The following TXNDC11 variants were observed in gnomAD, a reference collection of about 807,000 sequenced individuals.
The protein encoded by TXNDC11 is thioredoxin domain containing 11, also known as thioredoxin domain-containing protein 11.
A neutral mutation model predicts 78.0 loss-of-function variants in TXNDC11; 68 were observed. That is an observed-to-expected ratio of 0.87 (90% confidence interval 0.72 to 1.07). TXNDC11 has a LOEUF of 1.07. TXNDC11 is among the 50% of genes least tolerant of loss of function. The pLI, the probability that TXNDC11 is intolerant of heterozygous loss-of-function variation, is 0.00. For synonymous variants in TXNDC11, 571 were observed against 495.2 expected (o/e 1.15, Z -2.03); for missense variants, 1,389 against 1,221.8 (o/e 1.14, Z -2.04).
intron 7 of TXNDC11, among the ~76,000 whole-genome samples, chr16:11,694,611 CTAAT>C (rs2050811142): frequency 1.3e-5 from 2 of 150,576 alleles, no homozygotes; most frequent in Admixed American, 1.3e-4. Flanking sequence ...CCATGCCTGG[CTAAT>C]TTTTATATTT....
At chr16:11,683,218 T>G (rs2050475349) in intron 11 of TXNDC11, among the ~76,000 whole-genome samples, 1 of 152,150 alleles carries the variant, frequency 6.6e-6, no homozygotes. Flanking sequence ...GGAAGTCCGC[T>G]CCCCCTTGTT....
chr16:11,680,947 G>A (rs1014542140), intron 11 of TXNDC11, among the ~76,000 whole-genome samples: 5 of 151,866 alleles, frequency 3.3e-5, no homozygotes, highest in South Asian at 2.1e-4. Context: ...TGGGAGGATC[G>A]CTTGAGGCCA....
At chr16:11,686,305 T>C (rs1213387276) in intron 10 of TXNDC11, among the ~76,000 whole-genome samples, 1 of 152,260 alleles carries the variant, frequency 6.6e-6, no homozygotes, top group Non-Finnish European at 1.5e-5. Flanking sequence ...TTTCATACTC[T>C]GTTCTTTTCC....
intron 10 of TXNDC11, among the ~76,000 whole-genome samples, chr16:11,684,959 T>G (rs561775417): frequency 6.6e-6 from 1 of 152,262 alleles, no homozygotes; most frequent in Non-Finnish European, 1.5e-5. Flanking sequence ...AAGATGAACA[T>G]GTTTTCAATC....
intron 3 of TXNDC11, among the ~76,000 whole-genome samples, chr16:11,732,594 T>C (rs2052088892): frequency 1.3e-5 from 2 of 152,252 alleles, no homozygotes. Context: ...GAAAATGGTC[T>C]TAGTGGTCCC....
At chr16:11,703,517 C>CAT (rs199719985) in intron 5 of TXNDC11, among the ~76,000 whole-genome samples, 10 of 141,462 alleles carry the variant, frequency 7.1e-5, no homozygotes, top group African/African-American at 2.5e-4. Context: ...GATACACACA[C>CAT]ACACACACAC....
At chr16:11,734,115 A>G (rs767664654) in intron 2 of TXNDC11, 36 bp from the exon 3 acceptor site, 8 of 1,334,034 alleles carry the variant, frequency 6.0e-6, no homozygotes, top group South Asian at 1.3e-5. Flanking sequence ...ATGACTATGA[A>G]TAACAACTGA....
At position 11,742,594 on chromosome 16, in the gene TXNDC11, C is replaced by T; in HGVS notation, c.137G>A (p.Gly46Asp). Residue 46 changes from glycine (G) to aspartate (D), a missense_variant, in exon 1 of 12, where the codon GGC becomes GAC. Transcript: ENST00000283033. The stretch of plus-strand genomic sequence containing the variant: ...GCCACGCAGCCCGCGACGGAGCCGG[C>T]CCGCCGAGGACGCTGTGGCCAGGGT... ...SPTLATASSA[G>D]RLRRGLRGAF... The T allele has an allele frequency of 1.4e-6, 2 of 1,457,646 alleles. No homozygotes were observed. Among genetic ancestry groups the T allele is most frequent in the South Asian group, 1.3e-5 (1 of 75,360 alleles). 90.3% of individuals were successfully genotyped at this position (1,457,646 alleles called of 1,614,324 possible). A position where few individuals can be genotyped will look rare whatever the true frequency, so the allele number is the denominator to read the frequency against.
intron 11 of TXNDC11, among the ~76,000 whole-genome samples, chr16:11,682,924 T>G (rs1281318901): frequency 6.6e-6 from 1 of 152,070 alleles, no homozygotes; most frequent in Non-Finnish European, 1.5e-5. Flanking sequence ...GGAAACACTC[T>G]CCTAGAGAAA....
chr16:11,698,390 T>A lies in TXNDC11; in HGVS notation c.907-65A>T, dbSNP rs1426682462. 2.1e-6 allele frequency: 3 copies of A among 1,436,720 alleles called. No individual in the cohort carries two copies. In the African/African-American group the frequency reaches 4.2e-5, roughly 20 times the overall value. 89.0% of individuals were successfully genotyped at this position (1,436,720 alleles called of 1,614,324 possible). ...TGAGGTGGGGCAAGCTCAAGGCACA[T>A]CAGTGCTGTTCCAACCCCACCACTA... On this transcript the variant is annotated intron_variant, in intron 6 of 11. Transcript: ENST00000283033.
intron 4 of TXNDC11, among the ~76,000 whole-genome samples, chr16:11,727,318 T>C (rs1313613104): frequency 6.6e-6 from 1 of 151,264 alleles, no homozygotes; most frequent in Non-Finnish European, 1.5e-5. Context: ...TAACAGACAC[T>C]AAGTCAAGCA....
intron 5 of TXNDC11, among the ~76,000 whole-genome samples, chr16:11,717,434 G>GAAAAA (rs58884197): frequency 6.4e-4 from 40 of 62,306 alleles, no homozygotes; most frequent in South Asian, 1.4e-3. Context: ...GACTCCAAAT[G>GAAAAA]AAAAAAAAAA....
At chr16:11,728,817 T>C (rs1013559724) in intron 4 of TXNDC11, among the ~76,000 whole-genome samples, 12 of 150,958 alleles carry the variant, frequency 7.9e-5, no homozygotes, top group Admixed American at 4.0e-4. Flanking sequence ...CTGGCCAACA[T>C]GGTGAAACCC....
rs2050608837 is a variant in TXNDC11, at chr16:11,687,898, C to G, written c.2112G>C (p.Gln704His). The stretch of plus-strand genomic sequence containing the variant: ...TGTCCATGGGCAGGTTCCGAGCTAG[C>G]TGGATGAAGATGTGATTGAGGGATG... ...FCPSLNHIFI[Q>H]LARNLPMDTF... is the part of the protein sequence containing the mutation. The change falls in exon 10 of 12, where the codon CAG becomes CAC. Residue 704 changes from glutamine to histidine, a missense_variant. Transcript: ENST00000283033. The G allele has an allele frequency of 6.2e-7, 1 of 1,613,680 alleles. No homozygotes were observed. The highest frequency in any genetic ancestry group is 1.7e-5 in the Admixed American group (1 of 59,990).
At position 11,691,366 on chromosome 16, in the gene TXNDC11, A is replaced by C; in HGVS notation, c.1824T>G (p.Phe608Leu). 6.2e-7 allele frequency: 1 copy of C among 1,614,252 alleles called. No individual in the cohort carries two copies. The highest frequency in any genetic ancestry group is 8.5e-7 in the Non-Finnish European group (1 of 1,180,040). ...CTTCTTTCACGTCAACAATTGCCGC[A>C]AATTCTTTCACCTGAGTGGAGCTCG... Reference protein sequence around the residue: ...GAPSSTQVKEFAAIVDVKEES... With the variant: ...GAPSSTQVKELAAIVDVKEES... Residue 608 changes from phenylalanine to leucine, a missense_variant, in exon 8 of 12, where the codon TTT becomes TTG. Physicochemically the swap from Phe to Leu is conservative, Grantham distance 22 (BLOSUM62 0). Coordinates refer to ENST00000283033, the MANE Select transcript of TXNDC11 (RefSeq NM_015914.7).
chr16:11,736,660 T>C (rs2052229837), intron 1 of TXNDC11, among the ~76,000 whole-genome samples: 1 of 152,310 alleles, frequency 6.6e-6, no homozygotes, highest in East Asian at 1.9e-4. Flanking sequence ...CCACGGGAGA[T>C]GCTTACAATC....
At chr16:11,725,419 A>G (rs2051846863) in intron 4 of TXNDC11, among the ~76,000 whole-genome samples, 2 of 152,356 alleles carry the variant, frequency 1.3e-5, no homozygotes, top group Non-Finnish European at 2.9e-5. Context: ...TTCTACCATA[A>G]AAGAAAAAAG....
intron 2 of TXNDC11, 100 bp downstream of exon 2, chr16:11,735,917 G>T: frequency 3.5e-6 from 4 of 1,149,814 alleles, no homozygotes; most frequent in Non-Finnish European, 3.9e-6. Flanking sequence ...AGTTCACCTT[G>T]GCAAAGTCTG....
At chr16:11,685,057 T>G (rs917140060) in intron 10 of TXNDC11, among the ~76,000 whole-genome samples, 1 of 152,208 alleles carries the variant, frequency 6.6e-6, no homozygotes, top group African/African-American at 2.4e-5. Flanking sequence ...GGATGAAATT[T>G]GCTTTTCAAA....
Sources: gnomAD v4.1 joint callset for allele counts (sites outside exome capture counted in the v4.1 genomes callset) on GRCh38, gnomAD v4.1.1 for gene constraint, MANE v1.5 for transcripts, NCBI Gene and HGNC (gene_info 2026-07-23, HGNC 2026-07-21) for gene names.